The following DENND4A variants were observed in gnomAD, a reference collection of about 807,000 sequenced individuals.
DENND4A encodes the protein C-myc promoter-binding protein.
DENND4A carries 70 observed loss-of-function variants against 199.3 expected under a neutral mutation model. The ratio of observed to expected loss-of-function variants is 0.35; its 90% confidence interval spans 0.29 to 0.43. The LOEUF (loss-of-function observed/expected upper bound fraction) is 0.43, where lower values mean the gene tolerates loss of function less well. Ranked by LOEUF, DENND4A falls within the 20% of genes least tolerant of loss-of-function variation. The pLI is 1.00. For synonymous variants in DENND4A, 686 were observed against 766.9 expected (o/e 0.89, Z 1.74); for missense variants, 1,723 against 2,255.8 (o/e 0.76, Z 4.78).
chr15:65,787,125 T>A (rs1324030237), intron 1 of DENND4A, among the ~76,000 whole-genome samples: 1 of 152,160 alleles, frequency 6.6e-6, no homozygotes, highest in African/African-American at 2.4e-5. Context: ...CTATTTATTT[T>A]TAAAACTTTT....
chr15:65,736,236 G>C (rs1260035144), intron 7 of DENND4A, among the ~76,000 whole-genome samples: 1 of 151,962 alleles, frequency 6.6e-6, no homozygotes, highest in Admixed American at 6.6e-5. Flanking sequence ...CACCCAAAAA[G>C]TCAAACAGAA....
intron 14 of DENND4A, among the ~76,000 whole-genome samples, chr15:65,708,512 T>C (rs2075134683): frequency 6.6e-6 from 1 of 152,138 alleles, no homozygotes; most frequent in South Asian, 2.1e-4. Flanking sequence ...GATACTTCCT[T>C]CTACTTATAT....
chr15:65,708,296 A>C (rs2075128270), intron 14 of DENND4A, among the ~76,000 whole-genome samples: 1 of 152,146 alleles, frequency 6.6e-6, no homozygotes, highest in Non-Finnish European at 1.5e-5. Context: ...GGAATGAGCC[A>C]CCATGCTCAG....
chr15:65,723,758 A>G (rs2075719513), intron 11 of DENND4A, among the ~76,000 whole-genome samples: 1 of 152,184 alleles, frequency 6.6e-6, no homozygotes, highest in Non-Finnish European at 1.5e-5. Context: ...TTATAACAAT[A>G]TACTTTAATA....
intron 1 of DENND4A, chr15:65,771,727 A>G (rs190192382): frequency 1.9e-6 from 3 of 1,611,074 alleles, no homozygotes; most frequent in East Asian, 4.5e-5. Context: ...CTGGAGTTAT[A>G]TCAACTTCAC....
intron 4 of DENND4A, among the ~76,000 whole-genome samples, chr15:65,744,778 C>G (rs1005821496): frequency 2.6e-5 from 4 of 152,068 alleles, no homozygotes; most frequent in Non-Finnish European, 2.9e-5. Flanking sequence ...TTTTTGTTGG[C>G]TTGTTTCTCA....
chr15:65,725,682 AT>A (rs780065605), intron 11 of DENND4A, among the ~76,000 whole-genome samples: 46 of 97,406 alleles, frequency 4.7e-4, no homozygotes, highest in Middle Eastern at 4.8e-3. Flanking sequence ...GTCTCAAAAA[AT>A]AAAAATAAAA....
intron 1 of DENND4A, among the ~76,000 whole-genome samples, chr15:65,784,800 G>C (rs930219756): frequency 3.3e-5 from 5 of 152,040 alleles, no homozygotes; most frequent in African/African-American, 9.7e-5. Context: ...AGCAGGAGGA[G>C]GCCACTCAAA....
intron 1 of DENND4A, among the ~76,000 whole-genome samples, chr15:65,764,831 GGTGTGGTAGT>G (rs1461923275): frequency 1.5e-4 from 23 of 151,846 alleles, no homozygotes; most frequent in Admixed American, 1.3e-4. Flanking sequence ...AAATTTGCTG[GGTGTGGTAGT>G]GTGCACTATA....
chr15:65,736,977 C>T (rs1488945060), intron 7 of DENND4A, among the ~76,000 whole-genome samples: 1 of 151,968 alleles, frequency 6.6e-6, no homozygotes, highest in East Asian at 1.9e-4. Flanking sequence ...ATTGATCTGG[C>T]GATTCCATTA....
At chr15:65,760,610 C>T (rs1268225194) in intron 2 of DENND4A, among the ~76,000 whole-genome samples, 2 of 151,892 alleles carry the variant, frequency 1.3e-5, no homozygotes, top group African/African-American at 2.4e-5. Context: ...GGTAAGAGGC[C>T]GGGCAGAGTG....
intron 9 of DENND4A, chr15:65,731,293 T>C (rs1319720613): frequency 8.8e-6 from 3 of 339,668 alleles, no homozygotes; most frequent in East Asian, 7.5e-5. Flanking sequence ...TTAAAATTAA[T>C]TGCATTTTAA....
At chr15:65,675,289 T>G (rs2076339959) in intron 24 of DENND4A, among the ~76,000 whole-genome samples, 1 of 152,150 alleles carries the variant, frequency 6.6e-6, no homozygotes, top group Non-Finnish European at 1.5e-5. Context: ...ACAAAAAGTC[T>G]GCTGGCCCCA....
chr15:65,775,633 T>C (rs1686012572), intron 1 of DENND4A, among the ~76,000 whole-genome samples: 1 of 50,630 alleles, frequency 2.0e-5, no homozygotes. Flanking sequence ...AGTGCAAGAC[T>C]CCTCAAAAAA....
chr15:65,680,859 T>C (rs1194624649), intron 23 of DENND4A: 1 of 152,214 alleles, frequency 6.6e-6, no homozygotes, highest in African/African-American at 2.4e-5. Context: ...AATTTTAAAA[T>C]ACCTTATTAC....
intron 7 of DENND4A, among the ~76,000 whole-genome samples, chr15:65,737,340 T>G (rs1158668930): frequency 6.6e-6 from 1 of 152,158 alleles, no homozygotes; most frequent in Non-Finnish European, 1.5e-5. Flanking sequence ...ATTATGGGCG[T>G]GAACTATTGC....
intron 23 of DENND4A, among the ~76,000 whole-genome samples, chr15:65,686,953 T>A (rs896698414): frequency 6.6e-6 from 1 of 152,176 alleles, no homozygotes. Flanking sequence ...TCCTCCTGGC[T>A]TGGCCTTCCA....
At chr15:65,741,864 A>G (rs2076270453) in intron 4 of DENND4A, 80 bp from the exon 5 acceptor site, 1 of 1,130,202 alleles carries the variant, frequency 8.8e-7, no homozygotes, top group Non-Finnish European at 1.3e-6. Context: ...TGAGCTCTCT[A>G]GTATGTATTA....
intron 7 of DENND4A, among the ~76,000 whole-genome samples, chr15:65,735,973 C>T (rs2076103879): frequency 6.6e-6 from 1 of 152,136 alleles, no homozygotes; most frequent in East Asian, 1.9e-4. Context: ...CGCCTGTAAT[C>T]CCAGCTACTG....
Sources: gnomAD v4.1 joint callset for allele counts (sites outside exome capture counted in the v4.1 genomes callset) on GRCh38, gnomAD v4.1.1 for gene constraint, MANE v1.5 for transcripts, NCBI Gene and HGNC (gene_info 2026-07-23, HGNC 2026-07-21) for gene names.